Variants in KMT2E observed in about 807,000 individuals in gnomAD.
KMT2E encodes the protein histone reader KMT2E.
In KMT2E, 30 loss-of-function variants were observed where a neutral mutation model predicts 184.6. The observed-to-expected ratio is 0.16, with a 90% CI of 0.12 to 0.22. The LOEUF (loss-of-function observed/expected upper bound fraction) is 0.22. KMT2E is among the 10% of genes least tolerant of loss of function. The pLI is 1.00. For missense variants in KMT2E, 2,023 were observed against 2,237.4 expected, an observed-to-expected ratio of 0.90 and a Z score of 1.93; for synonymous variants, 815 against 776.5, an observed-to-expected ratio of 1.05 and a Z score of -0.82.
chr7:105,074,014 A>C lies in KMT2E; in HGVS notation c.556+337A>C, dbSNP rs540007995. ...GAAAGATATGATCCATTAGTTTATCATGTAGAATAGTACATCTTTTATTTA... is the reference window on the plus strand; with the variant it reads ...GAAAGATATGATCCATTAGTTTATCCTGTAGAATAGTACATCTTTTATTTA... On this transcript the variant is annotated intron_variant, in intron 7 of 26. Coordinates refer to ENST00000311117, the MANE Select transcript of KMT2E (RefSeq NM_182931.3). Among the ~76,000 whole-genome samples, 16 of 152,356 alleles carry C rather than the reference A, an allele frequency of 1.1e-4. No individual in the cohort carries two copies. In the Middle Eastern group the frequency reaches 0.014, roughly 130 times the overall value.
intron 13 of KMT2E, among the ~76,000 whole-genome samples, chr7:105,084,196 A>G (rs1350076308): frequency 2.0e-5 from 3 of 152,172 alleles, no homozygotes; most frequent in Non-Finnish European, 2.9e-5. Flanking sequence ...GTGGAGAACT[A>G]CAACTGCACA....
At position 105,101,580 on chromosome 7, in the gene KMT2E, A is replaced by G; in HGVS notation, c.1878A>G (p.Glu626=). 1 of 1,543,376 alleles carries G rather than the reference A, an allele frequency of 6.5e-7. No individual in the cohort carries two copies. Among genetic ancestry groups the G allele is most frequent in the East Asian group, 2.4e-5 (1 of 42,186 alleles). Residue 626 remains glutamate (E), a synonymous_variant, in exon 16 of 27, where the codon GAA becomes GAG. Coordinates refer to ENST00000311117, the MANE Select transcript of KMT2E (RefSeq NM_182931.3). ...CKDTQIVSDA[E]VIQEQAKEEN... is the part of the protein sequence containing the mutation. ...ATACACAGATTGTCAGTGATGCTGA[A>G]GTTATTCAGGTATTATTTATTCAGG...
At position 105,062,215 on chromosome 7, in the gene KMT2E, T is replaced by C. The variant is rs745763422; in HGVS notation, c.123T>C (p.Tyr41=). The C allele has an allele frequency of 2.5e-6, 4 of 1,613,626 alleles. No homozygotes were observed. Among genetic ancestry groups the C allele is most frequent in the African/African-American group, 1.3e-5 (1 of 74,918 alleles). The change falls in exon 4 of 27, where the codon TAT becomes TAC. Residue 41 remains tyrosine (Y), a synonymous_variant. Coordinates refer to ENST00000311117, the MANE Select transcript of KMT2E (RefSeq NM_182931.3). ...TGGTAGTTGAGAAATCCAACAGTTA[T>C]CCCCACCAGTTATATACCAGCAGCT... ...SPVVVEKSNS[Y]PHQLYTSSSH... is the part of the protein sequence containing the mutation.
intron 1 of KMT2E, among the ~76,000 whole-genome samples, chr7:105,025,529 C>A (rs1380230938): frequency 6.6e-6 from 1 of 152,046 alleles, no homozygotes; most frequent in Non-Finnish European, 1.5e-5. Context: ...CCTTAATCTT[C>A]ATTTAACCAA....
chr7:105,030,045 A>T (rs942268756), intron 1 of KMT2E, among the ~76,000 whole-genome samples: 1 of 152,240 alleles, frequency 6.6e-6, no homozygotes, highest in African/African-American at 2.4e-5. Flanking sequence ...AGTTCTTGCT[A>T]TGGAGTCAAA....
intron 3 of KMT2E, among the ~76,000 whole-genome samples, chr7:105,041,330 A>G (rs575179110): frequency 6.2e-4 from 94 of 152,228 alleles, no homozygotes; most frequent in African/African-American, 2.2e-3. Flanking sequence ...TTCCTATAGT[A>G]TTTGATATTG....
At chr7:105,033,077 T>A (rs1480301910) in intron 1 of KMT2E, among the ~76,000 whole-genome samples, 1 of 152,238 alleles carries the variant, frequency 6.6e-6, no homozygotes. Flanking sequence ...TACAAATGCC[T>A]ACTCTACCCA....
At chr7:105,084,828 G>A (rs1797897254) in intron 13 of KMT2E, among the ~76,000 whole-genome samples, 2 of 152,086 alleles carry the variant, frequency 1.3e-5, no homozygotes, top group African/African-American at 4.8e-5. Context: ...AGTTATTATA[G>A]TAGTACAGAA....
Position 105,101,606 on chromosome 7 carries a change from T to G in KMT2E, c.1887+17T>G, listed in dbSNP as rs1323039416. ...GTTATTCAGGTATTATTTATTCAGG[T>G]CGTTTTATTTTCTTAAACACTTTAA... On this transcript the variant is annotated intron_variant, in intron 16 of 26. Transcript: ENST00000311117. The G allele has an allele frequency of 6.6e-7, 1 of 1,511,666 alleles. No individual in the cohort carries two copies. 93.6% of individuals were successfully genotyped at this position (1,511,666 alleles called of 1,614,324 possible).
At chr7:105,111,713 T>A in intron 26 of KMT2E, 112 bp from the exon 27 acceptor site, 1 of 1,257,964 alleles carries the variant, frequency 7.9e-7, no homozygotes, top group Non-Finnish European at 1.1e-6. Flanking sequence ...AGGATGTTAT[T>A]TCCTGCCCCC....
At chr7:105,067,584 A>G (rs1797086215) in intron 6 of KMT2E, among the ~76,000 whole-genome samples, 1 of 152,134 alleles carries the variant, frequency 6.6e-6, no homozygotes, top group African/African-American at 2.4e-5. Context: ...CAAATCCCAG[A>G]TATCGTATTA....
At chr7:105,049,617 G>A (rs547808519) in intron 3 of KMT2E, among the ~76,000 whole-genome samples, 5 of 152,098 alleles carry the variant, frequency 3.3e-5, no homozygotes, top group Admixed American at 1.3e-4. Flanking sequence ...ATGGCCAGGC[G>A]CGGTGGCTCA....
intron 1 of KMT2E, among the ~76,000 whole-genome samples, chr7:105,023,068 G>C (rs1163191103): frequency 6.6e-6 from 1 of 152,116 alleles, no homozygotes; most frequent in South Asian, 2.1e-4. Flanking sequence ...TGTGCTTCTA[G>C]TTCCTTATTT....
chr7:105,078,880 C>T lies in KMT2E; in HGVS notation c.1165C>T (p.His389Tyr). 2 of 1,607,058 alleles carry T rather than the reference C, an allele frequency of 1.2e-6. No homozygotes were observed. Among genetic ancestry groups the T allele is most frequent in the Non-Finnish European group, 1.7e-6 (2 of 1,174,028 alleles). ...YPFVLFYSKF[H>Y]GLEMCVDART... ...TTTTGTGTTATTCTACTCTAAATTT[C>T]ATGGGCTAGAAATGTGTGTTGATGC... The change falls in exon 12 of 27, where the codon CAT becomes TAT. Residue 389 changes from histidine (H) to tyrosine (Y), a missense_variant. By Grantham distance (83) the His-to-Tyr change is moderately conservative. Coordinates refer to ENST00000311117, the MANE Select transcript of KMT2E (RefSeq NM_182931.3).
rs749366244 is a variant in KMT2E, at chr7:105,112,629, G to T, written c.4873G>T (p.Val1625Leu). ...CATTCACCATCAAACTGCTGCTGCCGTAGTCCCCCCTCCTCCTCCACCACC... is the reference window on the plus strand; with the variant it reads ...CATTCACCATCAAACTGCTGCTGCCTTAGTCCCCCCTCCTCCTCCACCACC... ...PTIHHQTAAA[V>L]VPPPPPPPPA... The change falls in exon 27 of 27, where the codon GTA becomes TTA. Residue 1625 changes from valine to leucine, a missense_variant. By Grantham distance (32) the Val-to-Leu change is conservative (BLOSUM62 1). Transcript: ENST00000311117. 3 of 1,613,634 alleles carry T rather than the reference G, an allele frequency of 1.9e-6. No individual in the cohort carries two copies. The highest frequency in any genetic ancestry group is 2.7e-5 in the African/African-American group (2 of 74,740).
At chr7:105,053,400 A>T (rs1483628145) in intron 3 of KMT2E, among the ~76,000 whole-genome samples, 1 of 152,136 alleles carries the variant, frequency 6.6e-6, no homozygotes, top group African/African-American at 2.4e-5. Context: ...TTACTATGAA[A>T]TTTTTTGCAT....
chr7:105,095,233 T>C (rs780183270), intron 15 of KMT2E, among the ~76,000 whole-genome samples: 10 of 152,200 alleles, frequency 6.6e-5, no homozygotes, highest in Middle Eastern at 3.2e-3. Flanking sequence ...AGAGATCAGA[T>C]TGTCTCATGA....
intron 15 of KMT2E, 152 bp from the exon 16 acceptor site, chr7:105,101,273 A>G (rs1199940229): frequency 2.0e-6 from 1 of 488,500 alleles, no homozygotes; most frequent in African/African-American, 2.0e-5. Flanking sequence ...CAATGAACAG[A>G]AATGTTTTTT....
chr7:105,068,339 T>C (rs1017256907), intron 6 of KMT2E, among the ~76,000 whole-genome samples: 2 of 152,218 alleles, frequency 1.3e-5, no homozygotes, highest in South Asian at 2.1e-4. Flanking sequence ...GGTTGTCTTA[T>C]GATGGAAGCC....
Sources: allele counts gnomAD v4.1 joint callset (sites outside exome capture counted in the v4.1 genomes callset), GRCh38; gene constraint gnomAD v4.1.1; transcripts MANE v1.5; gene names NCBI Gene and HGNC (gene_info 2026-07-23, HGNC 2026-07-21).